LIMS1: variants seen among roughly 807,000 people sequenced by gnomAD.
LIMS1 encodes LIM and senescent cell antigen-like-containing domain protein 1.
In LIMS1, 18 loss-of-function variants were observed where a neutral mutation model predicts 44.1. That is an observed-to-expected ratio of 0.41 (90% confidence interval 0.28 to 0.61). The LOEUF (loss-of-function observed/expected upper bound fraction) is 0.61. LIMS1 is among the 20% of genes least tolerant of loss of function. LIMS1 has a pLI of 0.32. For synonymous variants in LIMS1, 93 were observed against 149.1 expected, an observed-to-expected ratio of 0.62 and a Z score of 2.74; for missense variants, 201 against 422.0, an observed-to-expected ratio of 0.48 and a Z score of 4.59.
chr2:108,588,701 G>A (rs976407514), intron 1 of LIMS1: 1 of 722,318 alleles, frequency 1.4e-6, no homozygotes, highest in Non-Finnish European at 1.7e-6. Flanking sequence ...AAATCTAAAG[G>A]ATATTTGTTG....
chr2:108,670,746 T>A (rs1227862862), intron 2 of LIMS1, 35 bp from the exon 3 acceptor site: 1 of 1,611,876 alleles, frequency 6.2e-7, no homozygotes, highest in Admixed American at 1.7e-5. Flanking sequence ...TGTGATTGTT[T>A]CGTGTTTGTA....
intron 1 of LIMS1, among the ~76,000 whole-genome samples, chr2:108,656,320 T>C (rs1330861873): frequency 8.3e-5 from 2 of 24,222 alleles, no homozygotes; most frequent in South Asian, 4.2e-3. Context: ...TATCTATCTA[T>C]AGATAGATAG....
chr2:108,569,787 G>A lies in LIMS1; in HGVS notation c.32+35193G>A, dbSNP rs1351053553. Reference sequence around the variant, plus strand: ...GGCTTTTTTTTTTTTTTTTTTTAGTGATGAGGTCTTGCTATGTTGCCCAGG... The same window carrying A: ...GGCTTTTTTTTTTTTTTTTTTTAGTAATGAGGTCTTGCTATGTTGCCCAGG... On this transcript the variant is annotated intron_variant, in intron 1 of 9. Coordinates refer to ENST00000544547, the Ensembl canonical transcript of LIMS1. Among the ~76,000 whole-genome samples the A allele has an allele frequency of 5.7e-5, 3 of 52,734 alleles. No homozygotes were observed. In the East Asian group the frequency reaches 0.047, roughly 824 times the overall value. The allele number at this position is 52,734 out of a possible 152,430, so 34.6% of individuals were successfully genotyped here.
At chr2:108,597,938 C>T (rs1411110438) in intron 1 of LIMS1, among the ~76,000 whole-genome samples, 6 of 152,026 alleles carry the variant, frequency 3.9e-5, no homozygotes, top group Admixed American at 1.3e-4. Flanking sequence ...GTGATCCGCC[C>T]GCCTCAGCCT....
intron 1 of LIMS1, among the ~76,000 whole-genome samples, chr2:108,544,538 C>A (rs1684421579): frequency 2.0e-5 from 3 of 152,056 alleles, no homozygotes; most frequent in African/African-American, 7.2e-5. Flanking sequence ...GCTCTGTTGT[C>A]CAGGCTGGAG....
At chr2:108,577,978 C>A (rs1267479853) in intron 1 of LIMS1, among the ~76,000 whole-genome samples, 1 of 152,166 alleles carries the variant, frequency 6.6e-6, no homozygotes, top group Admixed American at 6.5e-5. Context: ...GGCACAGTCT[C>A]GGCTCACTGC....
At chr2:108,673,646 T>C (rs952109158) in intron 5 of LIMS1, 4 of 156,628 alleles carry the variant, frequency 2.6e-5, no homozygotes, top group South Asian at 1.8e-4. Context: ...ATCTCAGCCT[T>C]CCAAAGTGCT....
chr2:108,587,287 G>C (rs1298301112), intron 1 of LIMS1, among the ~76,000 whole-genome samples: 2 of 111,710 alleles, frequency 1.8e-5, no homozygotes, highest in Admixed American at 2.1e-4. Context: ...GTTTTCTTGG[G>C]GTTTGTGTGT....
chr2:108,587,774 C>T (rs189042835), intron 1 of LIMS1, among the ~76,000 whole-genome samples: 3 of 152,170 alleles, frequency 2.0e-5, no homozygotes, highest in African/African-American at 4.8e-5. Context: ...GTGACTCAGT[C>T]GGATATGTGA....
At chr2:108,580,819 G>T (rs1472588826) in intron 1 of LIMS1, among the ~76,000 whole-genome samples, 1 of 152,136 alleles carries the variant, frequency 6.6e-6, no homozygotes, top group Non-Finnish European at 1.5e-5. Flanking sequence ...TCAGGAGGGG[G>T]ATGGGGCTTT....
intron 1 of LIMS1, among the ~76,000 whole-genome samples, chr2:108,561,951 C>T (rs1174716712): frequency 6.6e-6 from 1 of 151,878 alleles, no homozygotes; most frequent in Non-Finnish European, 1.5e-5. Context: ...ACCATGTTGG[C>T]CAGAATGGTC....
intron 1 of LIMS1, among the ~76,000 whole-genome samples, chr2:108,590,496 G>A (rs1370983772): frequency 2.0e-5 from 3 of 152,298 alleles, no homozygotes; most frequent in East Asian, 3.9e-4. Context: ...ACACTTGGTG[G>A]TAGTTTAAAA....
At chr2:108,607,095 T>C in intron 1 of LIMS1, 1 of 776,080 alleles carries the variant, frequency 1.3e-6, no homozygotes, top group South Asian at 1.7e-5. Flanking sequence ...AACAGAGCTT[T>C]CATGAATGAG....
At chr2:108,657,216 T>C (rs1690930983) in intron 1 of LIMS1, among the ~76,000 whole-genome samples, 1 of 146,240 alleles carries the variant, frequency 6.8e-6, no homozygotes, top group Admixed American at 6.9e-5. Context: ...AGGACTTTTC[T>C]GCCTCCTGAA....
At chr2:108,636,872 G>T (rs991954573) in intron 1 of LIMS1, among the ~76,000 whole-genome samples, 1 of 152,106 alleles carries the variant, frequency 6.6e-6, no homozygotes, top group African/African-American at 2.4e-5. Flanking sequence ...TGAGGCCCCT[G>T]GGAGATGCTG....
In LIMS1 at chr2:108,667,551, A is replaced by AAAAAAT. The variant is rs765279788; in HGVS notation, c.193-3229_193-3228insAAAATA. On this transcript the variant is annotated intron_variant, in intron 2 of 9. Transcript: ENST00000544547. The stretch of plus-strand genomic sequence containing the variant: ...TTCAACCTTTTTTAAAAAAAAAAAA[A>AAAAAAT]ATATATATATATATATATACTGCTG... 9.2e-3 allele frequency among the ~76,000 whole-genome samples: 1,199 copies of AAAAAAT among 130,432 alleles called. 12 individuals carry two copies. The highest frequency in any genetic ancestry group is 0.016 in the Middle Eastern group (4 of 244). The allele number at this position is 130,432 out of a possible 152,430, so 85.6% of individuals were successfully genotyped here.
intron 1 of LIMS1, among the ~76,000 whole-genome samples, chr2:108,560,519 A>G (rs929565008): frequency 6.6e-6 from 1 of 151,818 alleles, no homozygotes; most frequent in Non-Finnish European, 1.5e-5. Context: ...GTTCCTACCC[A>G]AAGACTGTGG....
chr2:108,601,037 G>A (rs1391185168), intron 1 of LIMS1, among the ~76,000 whole-genome samples: 3 of 151,878 alleles, frequency 2.0e-5, no homozygotes, highest in Admixed American at 6.6e-5. Flanking sequence ...GGGTTCAAGC[G>A]ATTCTCCTGC....
chr2:108,611,363 T>C (rs1687588398), intron 1 of LIMS1, among the ~76,000 whole-genome samples: 2 of 152,188 alleles, frequency 1.3e-5, no homozygotes, highest in Non-Finnish European at 2.9e-5. Context: ...ATTTCCTAAA[T>C]TATATTGAGC....
Sources: allele counts gnomAD v4.1 joint callset (sites outside exome capture counted in the v4.1 genomes callset), GRCh38; gene constraint gnomAD v4.1.1; transcripts MANE v1.5; gene names NCBI Gene and HGNC (gene_info 2026-07-23, HGNC 2026-07-21).